The following RBFOX1 variants were observed in gnomAD, a reference collection of about 807,000 sequenced individuals.
The protein encoded by RBFOX1 is RNA binding protein fox-1 homolog 1.
Under a neutral mutation model 57.7 loss-of-function variants are expected in RBFOX1, and 8 were observed. The observed-to-expected ratio is 0.14, with a 90% CI of 0.08 to 0.25. The LOEUF is 0.25. RBFOX1 is among the 10% of genes least tolerant of loss of function. The pLI is 1.00. For synonymous variants in RBFOX1, 326 were observed against 222.4 expected (o/e 1.47, Z -4.15); for missense variants, 611 against 548.5 (o/e 1.11, Z -1.14).
chr16:6,944,374 A>G (rs1217191611), intron 3 of RBFOX1, among the ~76,000 whole-genome samples: 2 of 150,794 alleles, frequency 1.3e-5, no homozygotes, highest in African/African-American at 4.9e-5. Context: ...CAGCCTGGCA[A>G]CAGAGCAAGA....
intron 4 of RBFOX1, among the ~76,000 whole-genome samples, chr16:7,392,804 T>G (rs1302065200): frequency 6.6e-6 from 1 of 152,108 alleles, no homozygotes; most frequent in East Asian, 1.9e-4. Flanking sequence ...GTCCGTGGAT[T>G]GTTTTGACTC....
intron 4 of RBFOX1, among the ~76,000 whole-genome samples, chr16:7,072,426 G>A (rs943002813): frequency 6.6e-6 from 1 of 152,078 alleles, no homozygotes; most frequent in African/African-American, 2.4e-5. Context: ...CCTTTAGATT[G>A]ACTCCTCTTA....
intron 2 of RBFOX1, among the ~76,000 whole-genome samples, chr16:6,536,553 G>T (rs1397692591): frequency 1.7e-5 from 2 of 115,448 alleles, no homozygotes; most frequent in Admixed American, 9.0e-5. Flanking sequence ...GGGGGGCCCA[G>T]GAGGTTTTTT....
intron 1 of RBFOX1, among the ~76,000 whole-genome samples, chr16:6,115,743 A>G (rs1362819879): frequency 1.3e-5 from 2 of 152,186 alleles, no homozygotes; most frequent in Non-Finnish European, 2.9e-5. Context: ...ACCAAGCTAC[A>G]CAGTGGGCTA....
chr16:6,970,282 C>A (rs185688730), intron 3 of RBFOX1, among the ~76,000 whole-genome samples: 2 of 152,232 alleles, frequency 1.3e-5, no homozygotes, highest in East Asian at 3.9e-4. Context: ...CTTTCAATGA[C>A]CCAACAACAT....
chr16:5,629,709 A>C (rs2048444863), intron 3 of RBFOX1, among the ~76,000 whole-genome samples: 1 of 152,122 alleles, frequency 6.6e-6, no homozygotes, highest in Non-Finnish European at 1.5e-5. Flanking sequence ...TTTCAGCTTA[A>C]GGTTGTGTTT....
intron 7 of RBFOX1, among the ~76,000 whole-genome samples, chr16:7,588,952 A>C (rs550534950): frequency 3.9e-5 from 6 of 152,292 alleles, no homozygotes; most frequent in African/African-American, 1.4e-4. Context: ...AATCCCTTAC[A>C]CTTTGTGATA....
intron 2 of RBFOX1, among the ~76,000 whole-genome samples, chr16:6,488,660 A>T (rs1165497171): frequency 1.3e-5 from 2 of 152,196 alleles, no homozygotes; most frequent in Non-Finnish European, 2.9e-5. Flanking sequence ...AGCATTTAGA[A>T]TCTGTTTACA....
chr16:6,785,982 C>T (rs138242516), intron 3 of RBFOX1, among the ~76,000 whole-genome samples: 1,641 of 152,286 alleles, frequency 0.011, 36 homozygotes, highest in African/African-American at 0.038. Flanking sequence ...GACCATCCTT[C>T]CAAATAGCTG....
chr16:7,671,545 G>T, intron 13 of RBFOX1: 1 of 1,603,186 alleles, frequency 6.2e-7, no homozygotes, highest in Non-Finnish European at 8.5e-7. Flanking sequence ...TTACATTTCT[G>T]TTTCCTTATA....
At chr16:5,293,316 G>A (rs372246985) in intron 1 of RBFOX1, among the ~76,000 whole-genome samples, 1 of 152,088 alleles carries the variant, frequency 6.6e-6, no homozygotes, top group East Asian at 1.9e-4. Context: ...AATCGGTCAC[G>A]CTGTGTTGAG....
intron 2 of RBFOX1, among the ~76,000 whole-genome samples, chr16:5,515,275 T>C (rs909531789): frequency 1.3e-5 from 2 of 152,146 alleles, no homozygotes; most frequent in Non-Finnish European, 2.9e-5. Flanking sequence ...GGTAGAGTGG[T>C]TTTTGGCACC....
intron 4 of RBFOX1, among the ~76,000 whole-genome samples, chr16:7,484,018 C>A (rs1044863410): frequency 6.6e-6 from 1 of 152,186 alleles, no homozygotes; most frequent in Non-Finnish European, 1.5e-5. Context: ...CATTCCCTAA[C>A]CCCTGGCAAG....
At chr16:5,987,346 C>T (rs2060304013) in intron 4 of RBFOX1, among the ~76,000 whole-genome samples, 1 of 152,122 alleles carries the variant, frequency 6.6e-6, no homozygotes, top group Non-Finnish European at 1.5e-5. Flanking sequence ...TCTCCTCATC[C>T]TCTTTCCAGG....
intron 4 of RBFOX1, among the ~76,000 whole-genome samples, chr16:5,918,788 T>C (rs114763996): frequency 0.025 from 3,881 of 152,296 alleles, 165 homozygotes; most frequent in African/African-American, 0.088. Flanking sequence ...GAGGAGCGAC[T>C]AAGGTGCAGT....
At chr16:6,478,413 ATATATATATATATATATTTT>A (rs1193057615) in intron 2 of RBFOX1, among the ~76,000 whole-genome samples, 24 of 21,904 alleles carry the variant, frequency 1.1e-3, no homozygotes, top group African/African-American at 4.2e-3. Flanking sequence ...ATATATATAT[ATATATATATATATATATTTT>A]TTTTTTTTTT....
intron 4 of RBFOX1, among the ~76,000 whole-genome samples, chr16:7,308,900 G>A (rs1418283689): frequency 6.6e-6 from 1 of 152,148 alleles, no homozygotes; most frequent in Non-Finnish European, 1.5e-5. Context: ...CTTACCTTGT[G>A]TTACTCCATC....
chr16:6,488,882 A>T (rs2095564288), intron 2 of RBFOX1, among the ~76,000 whole-genome samples: 1 of 152,234 alleles, frequency 6.6e-6, no homozygotes. Context: ...AATATCAGTG[A>T]TAGTCTAATA....
At chr16:5,860,841 C>T (rs1175588664) in intron 3 of RBFOX1, among the ~76,000 whole-genome samples, 1 of 152,146 alleles carries the variant, frequency 6.6e-6, no homozygotes, top group Non-Finnish European at 1.5e-5. Flanking sequence ...CAAAAAGAGG[C>T]CCTGATCTAC....
Sources: allele counts gnomAD v4.1 joint callset (sites outside exome capture counted in the v4.1 genomes callset), GRCh38; gene constraint gnomAD v4.1.1; transcripts MANE v1.5; gene names NCBI Gene and HGNC (gene_info 2026-07-23, HGNC 2026-07-21).